The following PCDHGB1 variants were observed in gnomAD, a reference collection of about 807,000 sequenced individuals.
PCDHGB1 encodes protocadherin gamma subfamily B, 1.
Under a neutral mutation model 56.6 loss-of-function variants are expected in PCDHGB1, and 34 were observed. That is an observed-to-expected ratio of 0.60 (90% CI 0.46 to 0.80). PCDHGB1 has a LOEUF of 0.80. Ranked by LOEUF, PCDHGB1 falls within the 30% of genes least tolerant of loss-of-function variation. The pLI, the probability that PCDHGB1 is intolerant of heterozygous loss-of-function variation, is 0.00. For missense variants in PCDHGB1, 1,278 were observed against 1,204.6 expected (o/e 1.06, Z -0.90); for synonymous variants, 561 against 505.9 (o/e 1.11, Z -1.46).
Position 141,432,405 on chromosome 5 carries a change from GC to G in PCDHGB1, c.2410-62400del. On this transcript the variant is annotated intron_variant, in intron 1 of 3. Coordinates refer to ENST00000523390, the MANE Select transcript of PCDHGB1 (RefSeq NM_018922.3). This position sits in a 1 kb window ranked among gnomAD's most constrained non-coding sequence, Gnocchi z 6.0. ...CCCCTCAGCAGCAACGTGTCGTTGA[GC>G]CTGTTCGTGCTGGACCAGAACGACA... The G allele has an allele frequency of 6.2e-7, 1 of 1,614,246 alleles. No individual in the cohort carries two copies. Among genetic ancestry groups the G allele is most frequent in the South Asian group, 1.1e-5 (1 of 91,084 alleles).
Position 141,418,952 on chromosome 5 carries a change from G to C in PCDHGB1, c.2409+66283G>C, listed in dbSNP as rs1377467334. On this transcript the variant is annotated intron_variant, in intron 1 of 3. Coordinates refer to ENST00000523390, the MANE Select transcript of PCDHGB1 (RefSeq NM_018922.3). ...TATGGAGGATTCCCCTCCAGGAGTG[G>C]TTGTTGCCCTCTTCAAAACACGGGA... 4.3e-6 allele frequency: 7 copies of C among 1,613,932 alleles called. No individual in the cohort carries two copies. Among genetic ancestry groups the C allele is most frequent in the Non-Finnish European group, 5.9e-6 (7 of 1,179,908 alleles).
chr5:141,449,688 T>G (rs951233495), intron 1 of PCDHGB1, among the ~76,000 whole-genome samples: 2 of 151,772 alleles, frequency 1.3e-5, no homozygotes, highest in African/African-American at 4.8e-5. Context: ...TATGTTTGTG[T>G]GTATGTACAC....
At chr5:141,398,928 T>C in intron 1 of PCDHGB1, 4 of 1,613,962 alleles carry the variant, frequency 2.5e-6, no homozygotes, top group Non-Finnish European at 3.4e-6. Flanking sequence ...TGTCAGCCAC[T>C]GACCAAGACG....
Position 141,512,160 on chromosome 5 carries a change from G to A in PCDHGB1, c.*987G>A, listed in dbSNP as rs1227447365. On this transcript the variant is annotated 3_prime_UTR_variant, in exon 4 of 4. Coordinates refer to ENST00000523390, the MANE Select transcript of PCDHGB1 (RefSeq NM_018922.3). ...CAGCCAGCTTTGGGCTGAGCTAACA[G>A]GACCAATGGATTAAACTGGCATTTC... 1 of 152,730 alleles carries A rather than the reference G, an allele frequency of 6.5e-6. No individual in the cohort carries two copies. Among genetic ancestry groups the A allele is most frequent in the African/African-American group, 2.4e-5 (1 of 41,456 alleles). The allele number at this position is 152,730 out of a possible 1,614,324, so 9.5% of individuals were successfully genotyped here.
intron 1 of PCDHGB1, among the ~76,000 whole-genome samples, chr5:141,469,212 G>A (rs114294512): frequency 0.021 from 3,174 of 151,360 alleles, 54 homozygotes; most frequent in Non-Finnish European, 0.032. Flanking sequence ...TTGAAGTTGA[G>A]GCTTCAGTGA....
chr5:141,458,701 C>A (rs1057501287), intron 1 of PCDHGB1, among the ~76,000 whole-genome samples: 3 of 152,088 alleles, frequency 2.0e-5, no homozygotes, highest in Non-Finnish European at 2.9e-5. Context: ...TCCCGAGTAG[C>A]TGGGATTACA....
intron 1 of PCDHGB1, chr5:141,389,276 G>A (rs375882135): frequency 8.7e-6 from 14 of 1,613,858 alleles, no homozygotes; most frequent in Admixed American, 1.7e-5. Flanking sequence ...AGAACAACCC[G>A]CCTGGAGCCT....
Position 141,476,974 on chromosome 5 carries a change from C to G in PCDHGB1, c.2410-17833C>G. 1 of 1,614,268 alleles carries G rather than the reference C, an allele frequency of 6.2e-7. No homozygotes were observed. The highest frequency in any genetic ancestry group is 1.3e-5 in the African/African-American group (1 of 75,080). On this transcript the variant is annotated intron_variant, in intron 1 of 3. Coordinates refer to ENST00000523390, the MANE Select transcript of PCDHGB1 (RefSeq NM_018922.3). This position sits in a 1 kb window ranked among gnomAD's most constrained non-coding sequence, Gnocchi z 7.6. ...AAATTATTTACTCCTTCGGCAGCCA[C>G]AACCGCGCCGGCGTGCGGCAACTAT...
intron 1 of PCDHGB1, chr5:141,382,969 TG>T (rs1561593500): frequency 9.9e-6 from 16 of 1,609,418 alleles, no homozygotes; most frequent in Non-Finnish European, 1.4e-5. Flanking sequence ...GGGGACCCCC[TG>T]GGAAGCCTGG....
chr5:141,378,321 G>C (rs1295221856), intron 1 of PCDHGB1: 1 of 152,218 alleles, frequency 6.6e-6, no homozygotes, highest in African/African-American at 2.4e-5. Context: ...TCAGGAGTTC[G>C]AGACCAGCCT....
At chr5:141,375,147 C>A (rs768909291) in intron 1 of PCDHGB1, 1 of 1,613,946 alleles carries the variant, frequency 6.2e-7, no homozygotes, top group South Asian at 1.1e-5. Context: ...GGAAGCAGAA[C>A]AATTGCTGAA....
intron 1 of PCDHGB1, among the ~76,000 whole-genome samples, chr5:141,463,726 A>G (rs6888081): frequency 0.29 from 44,573 of 151,836 alleles, 7,596 homozygotes; most frequent in African/African-American, 0.48. Flanking sequence ...GATTACAGGC[A>G]TGAGCCACCG....
intron 1 of PCDHGB1, chr5:141,407,996 TGG>T: frequency 1.1e-6 from 1 of 872,310 alleles, no homozygotes; most frequent in South Asian, 2.0e-5. Flanking sequence ...GCCTCTGGCC[TGG>T]GATTCCCTGC....
chr5:141,360,551 A>G, intron 1 of PCDHGB1: 5 of 1,613,988 alleles, frequency 3.1e-6, no homozygotes, highest in Non-Finnish European at 4.2e-6. Context: ...ACTAAGATTA[A>G]TTTAAAAATT....
At chr5:141,362,612 G>A in intron 1 of PCDHGB1, 3 of 1,553,624 alleles carry the variant, frequency 1.9e-6, no homozygotes, top group Non-Finnish European at 2.6e-6. Flanking sequence ...CCTAATTTGG[G>A]TAGGAAGTTC....
intron 1 of PCDHGB1, chr5:141,427,889 G>A: frequency 1.3e-6 from 2 of 1,566,516 alleles, no homozygotes; most frequent in Non-Finnish European, 1.7e-6. Context: ...CCCACGACCA[G>A]GGCTCGCCCG....
chr5:141,413,989 G>C, intron 1 of PCDHGB1: 1 of 1,613,400 alleles, frequency 6.2e-7, no homozygotes, highest in East Asian at 2.2e-5. Context: ...CACAGCCACC[G>C]ACAGGGACGA....
chr5:141,357,690 TTTTA>T, intron 1 of PCDHGB1: 1 of 1,558,960 alleles, frequency 6.4e-7, no homozygotes, highest in Non-Finnish European at 8.7e-7. Flanking sequence ...ATGTCTCTCA[TTTTA>T]TATGTAATAT....
intron 1 of PCDHGB1, chr5:141,403,757 C>G (rs1326659106): frequency 6.2e-7 from 1 of 1,613,766 alleles, no homozygotes; most frequent in Non-Finnish European, 8.5e-7. Flanking sequence ...AGCCAGCGAC[C>G]TGGATGAGGG....
Sources: gnomAD v4.1 joint callset for allele counts (sites outside exome capture counted in the v4.1 genomes callset) on GRCh38, gnomAD v4.1.1 for gene constraint, Gnocchi (gnomAD v3.1) non-coding constraint, MANE v1.5 for transcripts, NCBI Gene and HGNC (gene_info 2026-07-23, HGNC 2026-07-21) for gene names.